The following THSD7B variants were observed in gnomAD, a reference collection of about 807,000 sequenced individuals.
THSD7B encodes thrombospondin type-1 domain-containing protein 7B.
Under a neutral mutation model 213.6 loss-of-function variants are expected in THSD7B, and 138 were observed. That is an observed-to-expected ratio of 0.65 (90% CI 0.56 to 0.74). THSD7B has a LOEUF of 0.74. Among genes scored for constraint, THSD7B ranks in the 30% least tolerant of loss-of-function variants. THSD7B has a pLI of 0.00. For missense variants in THSD7B, 1,931 were observed against 1,991.5 expected (o/e 0.97, Z 0.58); for synonymous variants, 742 against 687.0 (o/e 1.08, Z -1.25).
At chr2:136,883,068 C>T (rs1467013739) in intron 2 of THSD7B, among the ~76,000 whole-genome samples, 1 of 152,008 alleles carries the variant, frequency 6.6e-6, no homozygotes, top group East Asian at 1.9e-4. Context: ...CTTTAAGTTT[C>T]ACAATCAGAT....
intron 2 of THSD7B, among the ~76,000 whole-genome samples, chr2:137,047,694 A>G (rs1686995316): frequency 6.6e-6 from 1 of 152,110 alleles, no homozygotes; most frequent in Non-Finnish European, 1.5e-5. Flanking sequence ...GCTTTGAGGT[A>G]ATCTCTGGAA....
chr2:137,087,977 C>T lies in THSD7B; in HGVS notation c.951-6896C>T, dbSNP rs184927700. ...TACACAGGCCAGGCATGGTGGCTCA[C>T]GCTTGTAATCCTAGCACTTTGGGAG... On this transcript the variant is annotated intron_variant, in intron 3 of 27. Coordinates refer to ENST00000409968, the MANE Select transcript of THSD7B (RefSeq NM_001316349.2). Among the ~76,000 whole-genome samples the T allele has an allele frequency of 1.9e-3, 289 of 152,192 alleles. 2 individuals carry two copies. Among genetic ancestry groups the T allele is most frequent in the African/African-American group, 4.1e-3 (172 of 41,534 alleles).
At chr2:137,104,952 G>C (rs1005014171) in intron 4 of THSD7B, among the ~76,000 whole-genome samples, 1 of 152,178 alleles carries the variant, frequency 6.6e-6, no homozygotes, top group African/African-American at 2.4e-5. Context: ...GGACCAAACG[G>C]ATTCACAGCC....
At chr2:137,236,082 T>C (rs538016329) in intron 9 of THSD7B, among the ~76,000 whole-genome samples, 32 of 152,276 alleles carry the variant, frequency 2.1e-4, no homozygotes, top group African/African-American at 7.2e-4. Context: ...TTGCTATGCC[T>C]CCAGAAATAT....
chr2:137,619,860 C>T (rs1225120346), intron 19 of THSD7B, among the ~76,000 whole-genome samples: 1 of 152,154 alleles, frequency 6.6e-6, no homozygotes, highest in Non-Finnish European at 1.5e-5. Context: ...AGTCATTGTA[C>T]TATAATCATT....
At position 137,242,465 on chromosome 2, in the gene THSD7B, A is replaced by T. The variant is rs1681933379; in HGVS notation, c.2159A>T (p.Asp720Val). The change falls in exon 10 of 28, where the codon GAT (aspartate) becomes GTT (valine). Residue 720 changes from aspartate to valine, a missense_variant. Coordinates refer to ENST00000409968, the MANE Select transcript of THSD7B (RefSeq NM_001316349.2). ...TCTTTTCACATTGACAGATGTCCAG[A>T]TTCTACTCGACCTGAAACTGTGCGC... ...VGQVMTKRCP[D>V]STRPETVRPC... is the part of the protein sequence containing the mutation. The T allele has an allele frequency of 1.2e-6, 2 of 1,613,520 alleles. No individual in the cohort carries two copies. The highest frequency in any genetic ancestry group is 4.5e-5 in the East Asian group (2 of 44,874).
chr2:137,145,968 G>A (rs16838237), intron 5 of THSD7B, among the ~76,000 whole-genome samples: 29,054 of 151,890 alleles, frequency 0.19, 3,428 homozygotes, highest in South Asian at 0.42. Context: ...GACAACTGTA[G>A]TATTTTAAAA....
At chr2:136,802,205 T>G (rs940506875) in intron 1 of THSD7B, among the ~76,000 whole-genome samples, 10 of 152,026 alleles carry the variant, frequency 6.6e-5, no homozygotes, top group African/African-American at 2.4e-4. Flanking sequence ...CCAATTACCA[T>G]CAGGAGAAAT....
intron 1 of THSD7B, among the ~76,000 whole-genome samples, chr2:136,869,844 C>T (rs765908747): frequency 6.6e-5 from 10 of 152,054 alleles, no homozygotes; most frequent in Non-Finnish European, 1.5e-4. Context: ...GAGGCCAAGG[C>T]GGAAAGATCA....
At chr2:137,300,494 T>C (rs1683573148) in intron 12 of THSD7B, among the ~76,000 whole-genome samples, 1 of 152,114 alleles carries the variant, frequency 6.6e-6, no homozygotes, top group Non-Finnish European at 1.5e-5. Context: ...CATGTGTATA[T>C]GTGTGTGTGT....
At chr2:137,632,140 G>T (rs1473383832) in intron 20 of THSD7B, among the ~76,000 whole-genome samples, 2 of 152,088 alleles carry the variant, frequency 1.3e-5, no homozygotes, top group Non-Finnish European at 2.9e-5. Flanking sequence ...GTGTACATCT[G>T]ACACTCTGTA....
intron 3 of THSD7B, among the ~76,000 whole-genome samples, chr2:137,058,170 G>GT (rs34702641): frequency 0.086 from 12,987 of 150,990 alleles, 786 homozygotes; most frequent in African/African-American, 0.17. Flanking sequence ...TGTGATGATT[G>GT]TTTTTTTTTC....
intron 2 of THSD7B, among the ~76,000 whole-genome samples, chr2:137,046,423 G>A (rs1372079678): frequency 6.6e-6 from 1 of 152,054 alleles, no homozygotes; most frequent in East Asian, 1.9e-4. Flanking sequence ...AGCAGGCAGT[G>A]CGTCTAATTT....
In THSD7B at chr2:137,016,000, T is replaced by C. The variant is rs368665202; in HGVS notation, c.140-40420T>C. Among the ~76,000 whole-genome samples the C allele has an allele frequency of 9.2e-5, 14 of 152,286 alleles. No homozygotes were observed. In the South Asian group the frequency reaches 1.0e-3, roughly 11 times the overall value. ...GCAGTGAATGGTAAAACAGAATAAT[T>C]CAATTTGCATAATAAAAGAGTCTGC... On this transcript the variant is annotated intron_variant, in intron 2 of 27. Transcript: ENST00000409968.
At chr2:137,635,498 A>G (rs1305434206) in intron 20 of THSD7B, among the ~76,000 whole-genome samples, 2 of 152,174 alleles carry the variant, frequency 1.3e-5, no homozygotes, top group Non-Finnish European at 2.9e-5. Flanking sequence ...GGGATTTGAT[A>G]GGTTGGGAAC....
chr2:137,022,796 G>A (rs1166559022), intron 2 of THSD7B, among the ~76,000 whole-genome samples: 1 of 152,138 alleles, frequency 6.6e-6, no homozygotes, highest in Non-Finnish European at 1.5e-5. Context: ...CAAACATTCT[G>A]TGGAAGGCCA....
chr2:137,219,305 T>A (rs886956274), intron 7 of THSD7B, among the ~76,000 whole-genome samples: 2 of 152,290 alleles, frequency 1.3e-5, no homozygotes, highest in Admixed American at 1.3e-4. Context: ...GATGTTTGCC[T>A]GCCTTAAACT....
intron 1 of THSD7B, among the ~76,000 whole-genome samples, chr2:136,827,667 T>C (rs1043868963): frequency 6.6e-6 from 1 of 152,104 alleles, no homozygotes; most frequent in Non-Finnish European, 1.5e-5. Flanking sequence ...GTCCACTTTC[T>C]TTAGAGGAAG....
intron 15 of THSD7B, among the ~76,000 whole-genome samples, chr2:137,472,663 AAGG>A (rs1688115082): frequency 6.6e-6 from 1 of 152,172 alleles, no homozygotes; most frequent in African/African-American, 2.4e-5. Context: ...TAGGTGGAAA[AAGG>A]AGAAGTATTA....
Sources: allele counts gnomAD v4.1 joint callset (sites outside exome capture counted in the v4.1 genomes callset), GRCh38; gene constraint gnomAD v4.1.1; transcripts MANE v1.5; gene names NCBI Gene and HGNC (gene_info 2026-07-23, HGNC 2026-07-21).